RPL27: variants seen among roughly 807,000 people sequenced by gnomAD.
RPL27 encodes the protein large ribosomal subunit protein eL27.
For missense variants in RPL27, 131 were observed against 174.3 expected (o/e 0.75, Z 1.40); for synonymous variants, 77 against 61.0 (o/e 1.26, Z -1.22).
In RPL27 at chr17:43,002,853, C is replaced by T; in HGVS notation, c.363-19C>T. The T allele has an allele frequency of 3.1e-6, 5 of 1,612,998 alleles. No homozygotes were observed. Among genetic ancestry groups the T allele is most frequent in the Middle Eastern group, 1.6e-4 (1 of 6,062 alleles). On this transcript the variant is annotated intron_variant, in intron 4 of 4. Coordinates refer to ENST00000253788, the MANE Select transcript of RPL27 (RefSeq NM_000988.5). ...TTCCATTCCTTTCCTCATTGGTGTC[C>T]TCTTTTTTTCCCTTCTAGATACAAG...
rs199869182 is a variant in RPL27, at chr17:43,002,944, A to C, written c.*24A>C. 1.3e-4 allele frequency: 206 copies of C among 1,581,730 alleles called. No individual in the cohort carries two copies. The highest frequency in any genetic ancestry group is 4.3e-6 in the Non-Finnish European group (5 of 1,151,706). On this transcript the variant is annotated 3_prime_UTR_variant, in exon 5 of 5. Transcript: ENST00000253788. ...AGATGCTTTGTTTTGATCATTAAAA[A>C]TTATAAAGAAAAAAAGCCTGTGTCT...
intron 3 of RPL27, among the ~76,000 whole-genome samples, chr17:43,001,805 A>C (rs961463216): frequency 6.6e-6 from 1 of 151,422 alleles, no homozygotes; most frequent in Admixed American, 6.6e-5. Context: ...AAGAAGGCCT[A>C]ATTTGGCCGG....
In RPL27 at chr17:43,000,481, G is replaced by GTTT. The variant is rs140114345; in HGVS notation, c.251+381_251+383dup. ...CTGTCTTAGTACAGTGTTTTGTTTTGTTTTGTTTTTTTTTGAGACGGAGTC... is the reference window on the plus strand; with the variant it reads ...CTGTCTTAGTACAGTGTTTTGTTTTGTTTTTTTGTTTTTTTTTGAGACGGAGTC... On this transcript the variant is annotated intron_variant, in intron 3 of 4. Coordinates refer to ENST00000253788, the MANE Select transcript of RPL27 (RefSeq NM_000988.5). Among the ~76,000 whole-genome samples the GTTT allele has an allele frequency of 2.3e-4, 32 of 137,096 alleles. 2 individuals are homozygous for GTTT. The highest frequency in any genetic ancestry group is 5.9e-4 in the African/African-American group (21 of 35,666). The allele number at this position is 137,096 out of a possible 152,430, so 89.9% of individuals were successfully genotyped here.
At position 43,002,775 on chromosome 17, in the gene RPL27, T is replaced by C. The variant is rs775586874; in HGVS notation, c.354T>C (p.Phe118=). The C allele has an allele frequency of 1.1e-5, 18 of 1,612,174 alleles. No individual in the cohort carries two copies. The Admixed American group carries it at 2.2e-4, about 19-fold the overall frequency. Residue 118 remains phenylalanine, a synonymous_variant, in exon 4 of 5, where the codon TTT becomes TTC. Coordinates refer to ENST00000253788, the MANE Select transcript of RPL27 (RefSeq NM_000988.5). Reference sequence around the variant, plus strand: ...CCCGACGGGAGGCCAAGGTCAAGTTTGAAGAGAGGTAAGTAGGCTTTGGTA... The same window carrying C: ...CCCGACGGGAGGCCAAGGTCAAGTTCGAAGAGAGGTAAGTAGGCTTTGGTA... ...RKARREAKVK[F]EERYKTGKNK...
Position 42,998,472 on chromosome 17 carries a change from G to C in RPL27, c.-3+1G>C, listed in dbSNP as rs574294813. 7.9e-4 allele frequency: 250 copies of C among 314,878 alleles called. No homozygotes were observed. The highest frequency in any genetic ancestry group is 1.2e-3 in the Non-Finnish European group (197 of 167,024). The allele number at this position is 314,878 out of a possible 1,614,324, so 19.5% of individuals were successfully genotyped here. Reference sequence around the variant, plus strand: ...TGGTAGGGCCGGGTGGTTGCTGCCGGTAAGTAGAAGCTTGGGTTGAATCTT... The same window carrying C: ...TGGTAGGGCCGGGTGGTTGCTGCCGCTAAGTAGAAGCTTGGGTTGAATCTT... On this transcript the variant is annotated splice_donor_variant, in intron 1 of 4. Coordinates refer to ENST00000253788, the MANE Select transcript of RPL27 (RefSeq NM_000988.5). LOFTEE classifies it low-confidence loss of function (5UTR_SPLICE).
At chr17:42,998,879 G>A in intron 2 of RPL27, 48 bp downstream of exon 2, 1 of 1,514,394 alleles carries the variant, frequency 6.6e-7, no homozygotes, top group Non-Finnish European at 9.2e-7. Context: ...GGACCAGGCT[G>A]GCTGCGGCGG....
rs1306942289 is a variant in RPL27, at chr17:43,000,354, G to A, written c.251+252G>A. On this transcript the variant is annotated intron_variant, in intron 3 of 4. Transcript: ENST00000253788. ...CCCTCTTCCACTGTTCCACCCTCAA[G>A]GATAAATACAATAGGTTTCAAAAAG... 2.6e-5 allele frequency among the ~76,000 whole-genome samples: 4 copies of A among 152,092 alleles called. No individual in the cohort carries two copies. In the East Asian group the frequency reaches 7.7e-4, roughly 29 times the overall value.
chr17:43,000,612 T>TC (rs1033349277), intron 3 of RPL27, among the ~76,000 whole-genome samples: 2 of 150,922 alleles, frequency 1.3e-5, no homozygotes, highest in African/African-American at 2.4e-5. Context: ...TAATTTTTTT[T>TC]TTTTTGTATT....
intron 3 of RPL27, among the ~76,000 whole-genome samples, chr17:43,001,817 C>T (rs1213977243): frequency 6.6e-6 from 1 of 151,654 alleles, no homozygotes. Flanking sequence ...TTTGGCCGGG[C>T]ACAGTGGCTC....
In RPL27 at chr17:43,002,859, T is replaced by C; in HGVS notation, c.363-13T>C. On this transcript the variant is annotated splice_polypyrimidine_tract_variant and intron_variant, in intron 4 of 4. Coordinates refer to ENST00000253788, the MANE Select transcript of RPL27 (RefSeq NM_000988.5). ...TCCTTTCCTCATTGGTGTCCTCTTT[T>C]TTTCCCTTCTAGATACAAGACAGGC... The C allele has an allele frequency of 2.5e-6, 4 of 1,613,644 alleles. No individual in the cohort carries two copies. Among genetic ancestry groups the C allele is most frequent in the Non-Finnish European group, 3.4e-6 (4 of 1,179,550 alleles).
chr17:42,999,770 G>T (rs1485869434), intron 2 of RPL27, 163 bp from the exon 3 acceptor site: 9 of 598,460 alleles, frequency 1.5e-5, no homozygotes, highest in Non-Finnish European at 2.7e-5. Flanking sequence ...ACACTGTTCT[G>T]TTTCTCTTTG....
intron 3 of RPL27, among the ~76,000 whole-genome samples, chr17:43,001,623 A>G (rs2050363143): frequency 6.6e-6 from 1 of 151,434 alleles, no homozygotes; most frequent in African/African-American, 2.4e-5. Context: ...TCCATCTCAA[A>G]AAATAAAAAT....
intron 3 of RPL27, among the ~76,000 whole-genome samples, chr17:43,002,173 A>T (rs1392347719): frequency 2.0e-5 from 3 of 151,710 alleles, no homozygotes; most frequent in African/African-American, 4.9e-5. Flanking sequence ...GAAACATTGA[A>T]TTTTACATTT....
intron 3 of RPL27, among the ~76,000 whole-genome samples, chr17:43,001,631 AATAAT>A (rs755929504): frequency 2.0e-4 from 30 of 151,238 alleles, no homozygotes; most frequent in Non-Finnish European, 2.6e-4. Context: ...AAAAAATAAA[AATAAT>A]AATAAAAGGG....
At chr17:43,002,335 C>A (rs532890230) in intron 3 of RPL27, among the ~76,000 whole-genome samples, 1 of 151,390 alleles carries the variant, frequency 6.6e-6, no homozygotes, top group East Asian at 2.0e-4. Context: ...GAAACCCCGT[C>A]TCTACTAAAA....
At chr17:43,002,612 G>C (rs1340517251) in intron 3 of RPL27, 61 bp from the exon 4 acceptor site, 2 of 869,768 alleles carry the variant, frequency 2.3e-6, no homozygotes, top group African/African-American at 3.3e-5. Context: ...ACAAGGATTT[G>C]GGCTGTATAG....
intron 1 of RPL27, 78 bp downstream of exon 1, chr17:42,998,549 G>A (rs1485939441): frequency 2.1e-6 from 1 of 471,256 alleles, no homozygotes; most frequent in Non-Finnish European, 3.8e-6. Flanking sequence ...GCGGCGCCGG[G>A]TGCATTCCTT....
chr17:42,998,843 G>C lies in RPL27; in HGVS notation c.81+12G>C, dbSNP rs983109017. 6.2e-7 allele frequency: 1 copy of C among 1,610,440 alleles called. No individual in the cohort carries two copies. Among genetic ancestry groups the C allele is most frequent in the Non-Finnish European group, 8.5e-7 (1 of 1,177,010 alleles). ...CTGTCATCGTGAAGGTATCAGCCTC[G>C]CGGGACTCTGCGTCCTTGCATGCCG... is the stretch of plus-strand genomic sequence containing the variant. On this transcript the variant is annotated intron_variant, in intron 2 of 4. Coordinates refer to ENST00000253788, the MANE Select transcript of RPL27 (RefSeq NM_000988.5).
At chr17:43,002,620 T>C in intron 3 of RPL27, 53 bp from the exon 4 acceptor site, 2 of 1,056,430 alleles carry the variant, frequency 1.9e-6, no homozygotes, top group Non-Finnish European at 3.0e-6. Context: ...TTGGGCTGTA[T>C]AGGGGCCCCG....
Sources: allele counts gnomAD v4.1 joint callset (sites outside exome capture counted in the v4.1 genomes callset), GRCh38; gene constraint gnomAD v4.1.1; transcripts MANE v1.5; gene names NCBI Gene and HGNC (gene_info 2026-07-23, HGNC 2026-07-21).